The following AGAP1 variants were observed in gnomAD, a reference collection of about 807,000 sequenced individuals.
AGAP1 encodes ArfGAP with GTPase domain, ankyrin repeat and PH domain 1, also known as arf-GAP with GTPase, ANK repeat and PH domain-containing protein 1.
Under a neutral mutation model 105.3 loss-of-function variants are expected in AGAP1, and 29 were observed. The observed-to-expected ratio is 0.28, with a 90% CI of 0.21 to 0.38. AGAP1 has a LOEUF of 0.38. Ranked by LOEUF, AGAP1 falls within the 10% of genes least tolerant of loss-of-function variation. AGAP1 has a pLI of 1.00. For synonymous variants in AGAP1, 509 were observed against 485.9 expected (o/e 1.05, Z -0.63); for missense variants, 998 against 1,165.1 (o/e 0.86, Z 2.09).
intron 1 of AGAP1, among the ~76,000 whole-genome samples, chr2:235,632,427 T>A (rs2149290154): frequency 6.6e-6 from 1 of 152,282 alleles, no homozygotes; most frequent in African/African-American, 2.4e-5. Context: ...ATGGAGCCCC[T>A]GTTTCGCCAC....
chr2:235,629,825 C>T (rs966280941), intron 1 of AGAP1, among the ~76,000 whole-genome samples: 1 of 142,702 alleles, frequency 7.0e-6, no homozygotes, highest in East Asian at 2.0e-4. Context: ...GATCATACTA[C>T]TGCACTCCAG....
In AGAP1 at chr2:235,985,416, G is replaced by A. The variant is rs549664118; in HGVS notation, c.1645+16793G>A. Among the ~76,000 whole-genome samples, 8 of 152,298 alleles carry A rather than the reference G, an allele frequency of 5.3e-5. No individual in the cohort carries two copies. In the South Asian group the frequency reaches 1.5e-3, roughly 28 times the overall value. On this transcript the variant is annotated intron_variant, in intron 13 of 17. Transcript: ENST00000304032. ...CTGTAGGTTGCCTGTTCACTCTGAT[G>A]ATAGTTTCTTTTGCTTTGCAGAAGC...
chr2:236,101,751 C>T lies in AGAP1; in HGVS notation c.2115-18441C>T, dbSNP rs552923455. Among the ~76,000 whole-genome samples the T allele has an allele frequency of 3.9e-5, 6 of 152,346 alleles. No homozygotes were observed. In the East Asian group the frequency reaches 7.7e-4, roughly 20 times the overall value. Reference sequence around the variant, plus strand: ...ATGGCGGCTGCACCAGCAGAGCCGCCGTGGGCTTCATGCCACGTTACGCGG... The same window carrying T: ...ATGGCGGCTGCACCAGCAGAGCCGCTGTGGGCTTCATGCCACGTTACGCGG... On this transcript the variant is annotated intron_variant, in intron 16 of 17. Coordinates refer to ENST00000304032, the MANE Select transcript of AGAP1 (RefSeq NM_001037131.3). The surrounding 1 kb of genome is among the most constrained non-coding windows in gnomAD (Gnocchi z 4.9).
chr2:235,618,118 T>G (rs1946365994), intron 1 of AGAP1, among the ~76,000 whole-genome samples: 2 of 152,248 alleles, frequency 1.3e-5, no homozygotes, highest in South Asian at 4.2e-4. Flanking sequence ...GTGCTCGGTC[T>G]TGGGCGCGTG....
intron 8 of AGAP1, among the ~76,000 whole-genome samples, chr2:235,806,427 G>T (rs1018339876): frequency 2.0e-5 from 3 of 152,128 alleles, no homozygotes; most frequent in Non-Finnish European, 4.4e-5. Flanking sequence ...ATCGAGAGAG[G>T]AGACTGAGAC....
rs965790592 is a variant in AGAP1, at chr2:235,716,439, C to G, written c.223-1118C>G. On this transcript the variant is annotated intron_variant, in intron 2 of 17. Coordinates refer to ENST00000304032, the MANE Select transcript of AGAP1 (RefSeq NM_001037131.3). The surrounding 1 kb of genome is among the most constrained non-coding windows in gnomAD (Gnocchi z 4.0). ...GGCAGTTTCCTGGTAGCAACAGGGC[C>G]AGAGCTTCAGATAATTTGAGTGGAG... is the stretch of plus-strand genomic sequence containing the variant. 2.0e-5 allele frequency among the ~76,000 whole-genome samples: 3 copies of G among 152,040 alleles called. No individual in the cohort carries two copies. Among genetic ancestry groups the G allele is most frequent in the African/African-American group, 7.3e-5 (3 of 41,368 alleles).
At chr2:236,099,866 C>A (rs1464801919) in intron 16 of AGAP1, among the ~76,000 whole-genome samples, 1 of 151,998 alleles carries the variant, frequency 6.6e-6, no homozygotes, top group Non-Finnish European at 1.5e-5. Context: ...ATGGTGAAAC[C>A]CCGTCTCTAC....
intron 16 of AGAP1, among the ~76,000 whole-genome samples, chr2:236,084,897 C>G (rs1251919648): frequency 6.7e-6 from 1 of 149,232 alleles, no homozygotes; most frequent in Non-Finnish European, 1.5e-5. Context: ...GAGCGAGACT[C>G]CATCTCAAAA....
At chr2:235,617,733 A>G (rs1946352164) in intron 1 of AGAP1, among the ~76,000 whole-genome samples, 1 of 152,204 alleles carries the variant, frequency 6.6e-6, no homozygotes, top group South Asian at 2.1e-4. Flanking sequence ...TTTTTGAGTT[A>G]TAATCTCTGT....
chr2:235,849,479 C>A (rs1559559627), intron 9 of AGAP1, among the ~76,000 whole-genome samples: 1 of 12,962 alleles, frequency 7.7e-5, no homozygotes, highest in Non-Finnish European at 1.2e-4. Flanking sequence ...CAGGCAGTGA[C>A]CTCTCCTGCA....
chr2:236,009,190 GC>G lies in AGAP1; in HGVS notation c.1646-27369del, dbSNP rs1241233702. Among the ~76,000 whole-genome samples, 13 of 152,194 alleles carry G rather than the reference GC, an allele frequency of 8.5e-5. No homozygotes were observed. Among genetic ancestry groups the G allele is most frequent in the Admixed American group, 1.3e-4 (2 of 15,280 alleles). On this transcript the variant is annotated intron_variant, in intron 13 of 17. Coordinates refer to ENST00000304032, the MANE Select transcript of AGAP1 (RefSeq NM_001037131.3). The surrounding 1 kb of genome is among the most constrained non-coding windows in gnomAD (Gnocchi z 4.2). ...ATCTTATGAAAAAAAGAAATCCACT[GC>G]CTTTTTATAAGAGAACAGAACATTT...
rs1284790214 is a variant in AGAP1 at position 236,109,597 on chromosome 2, A to G, written c.2115-10595A>G. 1.3e-5 allele frequency among the ~76,000 whole-genome samples: 2 copies of G among 151,878 alleles called. No homozygotes were observed. The highest frequency in any genetic ancestry group is 2.4e-5 in the African/African-American group (1 of 41,366). On this transcript the variant is annotated intron_variant, in intron 16 of 17. Coordinates refer to ENST00000304032, the MANE Select transcript of AGAP1 (RefSeq NM_001037131.3). The surrounding 1 kb of genome is among the most constrained non-coding windows in gnomAD (Gnocchi z 5.4). ...GTGCTCTGGACCGGCAGCCATGGGA[A>G]TGTCCTAGTCGGCAGCAGTGTCGGT...
chr2:235,792,313 A>G lies in AGAP1; in HGVS notation c.674-5446A>G, dbSNP rs1391372191. 1.3e-5 allele frequency among the ~76,000 whole-genome samples: 2 copies of G among 152,178 alleles called. No homozygotes were observed. Among genetic ancestry groups the G allele is most frequent in the Non-Finnish European group, 2.9e-5 (2 of 68,042 alleles). ...CTTCACGTGTCATCTGGTCCCCCAC[A>G]AAGCTTTTGCATGGGGTTCATCTGC... is the stretch of plus-strand genomic sequence containing the variant. On this transcript the variant is annotated intron_variant, in intron 6 of 17. Transcript: ENST00000304032. This position sits in a 1 kb window ranked among gnomAD's most constrained non-coding sequence, Gnocchi z 5.3.
intron 1 of AGAP1, among the ~76,000 whole-genome samples, chr2:235,537,175 G>A (rs1444763572): frequency 3.9e-5 from 6 of 152,190 alleles, no homozygotes; most frequent in Non-Finnish European, 8.8e-5. Flanking sequence ...TAAAACATAC[G>A]GTACCACAGC....
At chr2:236,117,242 C>T (rs929435134) in intron 16 of AGAP1, among the ~76,000 whole-genome samples, 1 of 152,226 alleles carries the variant, frequency 6.6e-6, no homozygotes, top group Non-Finnish European at 1.5e-5. Flanking sequence ...TCCCTGTACA[C>T]CACATCCACG....
rs1218118624 is a variant in AGAP1, at chr2:235,535,605, C to T, written c.163+40756C>T. Among the ~76,000 whole-genome samples the T allele has an allele frequency of 6.6e-6, 1 of 151,964 alleles. No homozygotes were observed. The highest frequency in any genetic ancestry group is 6.6e-5 in the Admixed American group (1 of 15,266). On this transcript the variant is annotated intron_variant, in intron 1 of 17. Transcript: ENST00000304032. The surrounding 1 kb of genome is among the most constrained non-coding windows in gnomAD (Gnocchi z 5.1). Reference sequence around the variant, plus strand: ...GCGGGGCCAAAGGTTTCCTCAAAGACCCTGGGGGCCGGGCGGGGCTGTGCC... The same window carrying T: ...GCGGGGCCAAAGGTTTCCTCAAAGATCCTGGGGGCCGGGCGGGGCTGTGCC...
chr2:235,903,003 A>T (rs960013480), intron 10 of AGAP1, among the ~76,000 whole-genome samples: 1 of 152,212 alleles, frequency 6.6e-6, no homozygotes, highest in African/African-American at 2.4e-5. Context: ...ACTTTGATTC[A>T]TGTTAATCAC....
chr2:235,717,912 C>A (rs893410546), intron 3 of AGAP1, among the ~76,000 whole-genome samples: 2 of 152,106 alleles, frequency 1.3e-5, no homozygotes, highest in South Asian at 4.1e-4. Flanking sequence ...TTCAAATGTC[C>A]TTTTTAATCC....
rs1380143517 is a variant in AGAP1 at position 235,919,621 on chromosome 2, C to T, written c.1324+10715C>T. ...GGATAGAGCTGTGGGGCCACCTGCTCCTGGAAGGGGACTGTAAAATTCAGA... is the reference window on the plus strand; with the variant it reads ...GGATAGAGCTGTGGGGCCACCTGCTTCTGGAAGGGGACTGTAAAATTCAGA... On this transcript the variant is annotated intron_variant, in intron 11 of 17. Transcript: ENST00000304032. The surrounding 1 kb of genome is among the most constrained non-coding windows in gnomAD (Gnocchi z 4.1). Among the ~76,000 whole-genome samples the T allele has an allele frequency of 6.6e-6, 1 of 152,090 alleles. No homozygotes were observed. The highest frequency in any genetic ancestry group is 6.5e-5 in the Admixed American group (1 of 15,268).
Sources: gnomAD v4.1 joint callset for allele counts (sites outside exome capture counted in the v4.1 genomes callset) on GRCh38, gnomAD v4.1.1 for gene constraint, Gnocchi (gnomAD v3.1) non-coding constraint, MANE v1.5 for transcripts, NCBI Gene and HGNC (gene_info 2026-07-23, HGNC 2026-07-21) for gene names.